The following SUGCT variants were observed in gnomAD, a reference collection of about 807,000 sequenced individuals.
SUGCT encodes succinyl-CoA:glutarate-CoA transferase.
SUGCT carries 41 observed loss-of-function variants against 55.0 expected under a neutral mutation model. The observed-to-expected ratio is 0.74, with a 90% CI of 0.58 to 0.97. The LOEUF (loss-of-function observed/expected upper bound fraction) is 0.97, where lower values mean the gene tolerates loss of function less well. SUGCT is among the 50% of genes least tolerant of loss of function. SUGCT has a pLI of 0.00. For missense variants in SUGCT, 568 were observed against 547.8 expected (o/e 1.04, Z -0.37); for synonymous variants, 187 against 200.4 (o/e 0.93, Z 0.56).
At chr7:40,641,058 G>C (rs183258425) in intron 12 of SUGCT, among the ~76,000 whole-genome samples, 1 of 152,278 alleles carries the variant, frequency 6.6e-6, no homozygotes, top group South Asian at 2.1e-4. Flanking sequence ...AATACCCTTC[G>C]TGATATCTCT....
chr7:40,275,012 G>A (rs1017364498), intron 8 of SUGCT, among the ~76,000 whole-genome samples: 1 of 152,076 alleles, frequency 6.6e-6, no homozygotes, highest in African/African-American at 2.4e-5. Flanking sequence ...TGTCGGTCAG[G>A]CTGGTCTCGA....
At chr7:40,453,570 G>T (rs926548788) in intron 10 of SUGCT, among the ~76,000 whole-genome samples, 11 of 152,188 alleles carry the variant, frequency 7.2e-5, no homozygotes, top group Non-Finnish European at 1.2e-4. Flanking sequence ...GCACTTACTA[G>T]TCAGATTCAA....
intron 13 of SUGCT, among the ~76,000 whole-genome samples, chr7:40,822,107 G>C (rs1792049538): frequency 6.6e-6 from 1 of 152,156 alleles, no homozygotes; most frequent in Non-Finnish European, 1.5e-5. Flanking sequence ...GTTATAGTTT[G>C]ATTGCACTGT....
At chr7:40,825,852 A>G (rs1437761417) in intron 13 of SUGCT, among the ~76,000 whole-genome samples, 1 of 152,224 alleles carries the variant, frequency 6.6e-6, no homozygotes, top group Non-Finnish European at 1.5e-5. Flanking sequence ...TCGTATTTCA[A>G]TGTTAGTATT....
chr7:40,584,478 G>A (rs1797267724), intron 12 of SUGCT, among the ~76,000 whole-genome samples: 1 of 152,178 alleles, frequency 6.6e-6, no homozygotes, highest in African/African-American at 2.4e-5. Context: ...GAAAATCCCA[G>A]GCTAAGTGAA....
rs558649326 is a variant in SUGCT at position 40,846,569 on chromosome 7, A to G, written c.1154-13747A>G. On this transcript the variant is annotated intron_variant, in intron 13 of 13. Coordinates refer to ENST00000335693, the MANE Select transcript of SUGCT (RefSeq NM_001193313.2). ...TACTATGACATTTCAGTGGGTTGGA[A>G]CAAGATAGATAAATCAAATACAAGT... Among the ~76,000 whole-genome samples, 9 of 152,340 alleles carry G rather than the reference A, an allele frequency of 5.9e-5. No individual in the cohort carries two copies. The South Asian group carries it at 1.4e-3, about 25-fold the overall frequency.
At chr7:40,392,923 T>A (rs1172238521) in intron 9 of SUGCT, among the ~76,000 whole-genome samples, 2 of 152,088 alleles carry the variant, frequency 1.3e-5, no homozygotes, top group African/African-American at 4.8e-5. Context: ...TAAAACTGGG[T>A]GGATTGTAGA....
intron 9 of SUGCT, among the ~76,000 whole-genome samples, chr7:40,443,973 A>C (rs1788665491): frequency 6.6e-6 from 1 of 152,174 alleles, no homozygotes; most frequent in Non-Finnish European, 1.5e-5. Context: ...CATTTATTAA[A>C]TAGGGAATCC....
intron 9 of SUGCT, among the ~76,000 whole-genome samples, chr7:40,330,489 T>TG (rs1295508835): frequency 6.6e-6 from 1 of 151,528 alleles, no homozygotes; most frequent in Non-Finnish European, 1.5e-5. Context: ...CCGATTTTTT[T>TG]TTTTGCCGGA....
chr7:40,413,106 C>T (rs1786781631), intron 9 of SUGCT, among the ~76,000 whole-genome samples: 1 of 152,050 alleles, frequency 6.6e-6, no homozygotes, highest in South Asian at 2.1e-4. Context: ...TTCTCTTGTA[C>T]AGTAGTATTC....
chr7:40,449,146 A>G, intron 9 of SUGCT, 141 bp from the exon 10 acceptor site: 1 of 600,402 alleles, frequency 1.7e-6, no homozygotes. Context: ...GTATACATAT[A>G]TGAAAAAGAT....
chr7:40,368,144 G>A lies in SUGCT; in HGVS notation c.816+51289G>A, dbSNP rs187507295. ...ACCTCTTACTTCCTGCTTTTCCCTC[G>A]TAAGTCAGATCTCACATTATAACAT... On this transcript the variant is annotated intron_variant, in intron 9 of 13. Coordinates refer to ENST00000335693, the MANE Select transcript of SUGCT (RefSeq NM_001193313.2). Among the ~76,000 whole-genome samples the A allele has an allele frequency of 2.2e-4, 32 of 143,836 alleles. No individual in the cohort carries two copies. In the East Asian group the frequency reaches 5.8e-3, roughly 26 times the overall value. 94.4% of individuals were successfully genotyped at this position (143,836 alleles called of 152,430 possible). A position where few individuals can be genotyped will look rare whatever the true frequency, so the allele number is the denominator to read the frequency against.
intron 1 of SUGCT, among the ~76,000 whole-genome samples, chr7:40,142,046 A>G (rs1788014331): frequency 6.6e-6 from 1 of 152,156 alleles, no homozygotes; most frequent in Admixed American, 6.5e-5. Flanking sequence ...AAAAATGGTT[A>G]TGGCAGAGCA....
At chr7:40,253,385 A>G (rs780537492) in intron 7 of SUGCT, among the ~76,000 whole-genome samples, 2 of 152,170 alleles carry the variant, frequency 1.3e-5, no homozygotes, top group Non-Finnish European at 2.9e-5. Flanking sequence ...AGTTTTCTTC[A>G]TAACAGTCAT....
intron 12 of SUGCT, among the ~76,000 whole-genome samples, chr7:40,613,496 A>G (rs991047121): frequency 1.3e-5 from 2 of 152,208 alleles, no homozygotes; most frequent in Non-Finnish European, 2.9e-5. Context: ...TGGCTTCTTG[A>G]CATTAGTTTT....
chr7:40,831,835 G>A (rs969869684), intron 13 of SUGCT, among the ~76,000 whole-genome samples: 6 of 152,218 alleles, frequency 3.9e-5, no homozygotes, highest in Non-Finnish European at 8.8e-5. Flanking sequence ...GTAGTGTGAT[G>A]AAGGCTACCA....
intron 13 of SUGCT, among the ~76,000 whole-genome samples, chr7:40,767,030 C>A (rs1222857368): frequency 6.6e-6 from 1 of 152,136 alleles, no homozygotes; most frequent in Admixed American, 6.5e-5. Flanking sequence ...CACATCTAAC[C>A]TAAGAAATGT....
intron 9 of SUGCT, among the ~76,000 whole-genome samples, chr7:40,405,764 A>C (rs4513884): frequency 0.96 from 143,030 of 149,430 alleles, 68,784 homozygotes; most frequent in East Asian, 1. Flanking sequence ...GAGCGGAGAT[A>C]GCGCCACTGT....
chr7:40,252,988 TA>T (rs2150938472), intron 7 of SUGCT, among the ~76,000 whole-genome samples: 1 of 152,354 alleles, frequency 6.6e-6, no homozygotes, highest in East Asian at 1.9e-4. Context: ...TGTGGAAATA[TA>T]ACTTTGGAAA....
Sources: allele counts gnomAD v4.1 joint callset (sites outside exome capture counted in the v4.1 genomes callset), GRCh38; gene constraint gnomAD v4.1.1; transcripts MANE v1.5; gene names NCBI Gene and HGNC (gene_info 2026-07-23, HGNC 2026-07-21).